Variants in SNRPN observed in about 807,000 individuals in gnomAD.
SNRPN encodes the protein small nuclear ribonucleoprotein-associated protein N.
A neutral mutation model predicts 25.2 loss-of-function variants in SNRPN; 7 were observed. That is an observed-to-expected ratio of 0.28 (90% CI 0.16 to 0.52). The LOEUF (loss-of-function observed/expected upper bound fraction) is 0.52, where lower values mean the gene tolerates loss of function less well. SNRPN is among the 20% of genes least tolerant of loss of function. The probability of loss-of-function intolerance (pLI) is 0.96; values close to 1 mark genes in which losing one functional copy is unlikely to be tolerated. For synonymous variants in SNRPN, 124 were observed against 110.6 expected (o/e 1.12, Z -0.76); for missense variants, 196 against 322.5 (o/e 0.61, Z 3.00).
intron 3 of SNRPN, among the ~76,000 whole-genome samples, chr15:24,947,333 T>G (rs183189142): frequency 6.6e-6 from 1 of 152,238 alleles, no homozygotes; most frequent in East Asian, 1.9e-4. Context: ...TATTTTGTAT[T>G]TAAAACATAA....
At chr15:24,895,400 A>AACAC (rs10558727) in intron 2 of SNRPN, among the ~76,000 whole-genome samples, 2,768 of 147,292 alleles carry the variant, frequency 0.019, 48 homozygotes, top group South Asian at 0.036. Flanking sequence ...AATACACCCA[A>AACAC]ACACACACAC....
intron 2 of SNRPN, among the ~76,000 whole-genome samples, chr15:24,962,932 T>C (rs145843075): frequency 1.5e-3 from 233 of 152,298 alleles, no homozygotes; most frequent in African/African-American, 5.0e-3. Flanking sequence ...GTATTAAAAA[T>C]TCATGAAGAT....
intron 2 of SNRPN, among the ~76,000 whole-genome samples, chr15:24,889,972 C>G (rs1387156385): frequency 4.0e-5 from 6 of 150,700 alleles, no homozygotes; most frequent in Non-Finnish European, 5.9e-5. Context: ...ATGGCTTGAA[C>G]CCGAGAGGCA....
At chr15:24,843,741 C>G (rs1173488267) in intron 2 of SNRPN, among the ~76,000 whole-genome samples, 5 of 150,578 alleles carry the variant, frequency 3.3e-5, no homozygotes, top group Non-Finnish European at 7.4e-5. Flanking sequence ...GAGCCGAGAT[C>G]ATACCACTGC....
intron 2 of SNRPN, among the ~76,000 whole-genome samples, chr15:24,842,815 A>C: frequency 6.6e-6 from 1 of 152,180 alleles, no homozygotes. Flanking sequence ...GAATCCATCC[A>C]AGGCCACCTG....
intron 2 of SNRPN, among the ~76,000 whole-genome samples, chr15:24,834,465 A>G (rs972008391): frequency 6.6e-6 from 1 of 152,038 alleles, no homozygotes; most frequent in African/African-American, 2.4e-5. Context: ...CAGCAAATCA[A>G]TCCTTATTGA....
In SNRPN at chr15:24,939,810, T is replaced by C. The variant is rs569286213; in HGVS notation, c.-391+19686T>C. 6.3e-3 allele frequency among the ~76,000 whole-genome samples: 948 copies of C among 149,772 alleles called. 16 individuals carry two copies. Among genetic ancestry groups the C allele is most frequent in the Middle Eastern group, 0.028 (8 of 290 alleles). On this transcript the variant is annotated intron_variant, in intron 3 of 11. Transcript: ENST00000400097. ...CTTCTTTTTTTTTTTTTCTTTTTGA[T>C]ACAGAGTCTCACTCTATCGCTCAGG...
At chr15:24,906,738 G>A (rs1381371700) in intron 2 of SNRPN, among the ~76,000 whole-genome samples, 5 of 152,188 alleles carry the variant, frequency 3.3e-5, no homozygotes, top group South Asian at 2.1e-4. Flanking sequence ...TCAAGGGGGT[G>A]TAAGTGCCTA....
At chr15:24,973,694 C>T (rs992105442) in intron 3 of SNRPN, among the ~76,000 whole-genome samples, 2 of 152,182 alleles carry the variant, frequency 1.3e-5, no homozygotes, top group African/African-American at 4.8e-5. Context: ...GCCACCTCAC[C>T]CGGCCGTTAA....
At chr15:24,920,931 CG>C (rs1227398912) in intron 3 of SNRPN, among the ~76,000 whole-genome samples, 6 of 152,132 alleles carry the variant, frequency 3.9e-5, no homozygotes, top group African/African-American at 9.7e-5. Context: ...AGGTTTGTTT[CG>C]GAGAGTTACC....
At chr15:24,955,842 C>CATGG (rs2062767114) in intron 1 of SNRPN, among the ~76,000 whole-genome samples, 1 of 150,698 alleles carries the variant, frequency 6.6e-6, no homozygotes, top group Non-Finnish European at 1.5e-5. Context: ...CGGCGGTGGG[C>CATGG]ATGGCATGGA....
chr15:24,825,530 C>T (rs2050023762), intron 1 of SNRPN, among the ~76,000 whole-genome samples: 1 of 151,928 alleles, frequency 6.6e-6, no homozygotes, highest in African/African-American at 2.4e-5. Flanking sequence ...GGCTACTTCC[C>T]AATAAACCAT....
chr15:24,889,109 G>C (rs1040972133), intron 2 of SNRPN, among the ~76,000 whole-genome samples: 1 of 151,640 alleles, frequency 6.6e-6, no homozygotes, highest in Non-Finnish European at 1.5e-5. Context: ...ATAGAGACAG[G>C]GTTTCACCAT....
chr15:24,917,189 C>A (rs1433039770), intron 2 of SNRPN, among the ~76,000 whole-genome samples: 1 of 152,270 alleles, frequency 6.6e-6, no homozygotes, highest in Admixed American at 6.5e-5. Context: ...CCTACGAAGT[C>A]CAGGTGGCTT....
chr15:24,959,886 C>A (rs919625398), intron 1 of SNRPN, among the ~76,000 whole-genome samples: 1 of 152,064 alleles, frequency 6.6e-6, no homozygotes, highest in Non-Finnish European at 1.5e-5. Context: ...TTTACTTAGC[C>A]CTCGTATATG....
At chr15:24,934,498 A>G (rs2061097032) in intron 3 of SNRPN, among the ~76,000 whole-genome samples, 2 of 152,134 alleles carry the variant, frequency 1.3e-5, no homozygotes, top group South Asian at 4.1e-4. Flanking sequence ...CTCAAAGCCT[A>G]AAATATTTAC....
intron 3 of SNRPN, among the ~76,000 whole-genome samples, chr15:24,938,114 G>GTTT (rs34512648): frequency 1.0e-4 from 14 of 140,010 alleles, no homozygotes; most frequent in African/African-American, 2.4e-4. Context: ...CTTCTAATTC[G>GTTT]TTTTTTTTTT....
intron 2 of SNRPN, among the ~76,000 whole-genome samples, chr15:24,904,425 C>T (rs2058665894): frequency 6.6e-6 from 1 of 152,098 alleles, no homozygotes; most frequent in African/African-American, 2.4e-5. Context: ...AAGGCTGAGG[C>T]GGGTGGATCA....
chr15:24,927,231 C>T (rs12592164), intron 3 of SNRPN, among the ~76,000 whole-genome samples: 40,088 of 151,662 alleles, frequency 0.26, 5,449 homozygotes, highest in Admixed American at 0.31. Flanking sequence ...AAGAAACCTC[C>T]TGCCTGAGCC....
Sources: gnomAD v4.1 joint callset for allele counts (sites outside exome capture counted in the v4.1 genomes callset) on GRCh38, gnomAD v4.1.1 for gene constraint, MANE v1.5 for transcripts, NCBI Gene and HGNC (gene_info 2026-07-23, HGNC 2026-07-21) for gene names.